QSER1: variants seen among roughly 807,000 people sequenced by gnomAD.
The protein encoded by QSER1 is glutamine and serine rich 1, also known as glutamine and serine-rich protein 1.
Under a neutral mutation model 158.5 loss-of-function variants are expected in QSER1, and 49 were observed. The observed-to-expected ratio is 0.31, with a 90% CI of 0.25 to 0.39. The LOEUF is 0.39. Ranked by LOEUF, QSER1 falls within the 10% of genes least tolerant of loss-of-function variation. The pLI is 1.00. For synonymous variants in QSER1, 650 were observed against 715.5 expected, an observed-to-expected ratio of 0.91 and a Z score of 1.46; for missense variants, 1,754 against 2,010.3, an observed-to-expected ratio of 0.87 and a Z score of 2.44.
intron 4 of QSER1, among the ~76,000 whole-genome samples, chr11:32,936,282 T>G (rs1053199320): frequency 1.3e-5 from 2 of 148,606 alleles, no homozygotes; most frequent in African/African-American, 4.9e-5. Context: ...TGAGAACACG[T>G]GGTGTTTGGT....
chr11:32,894,737 AAAT>A (rs1851533449), intron 1 of QSER1, among the ~76,000 whole-genome samples: 1 of 152,220 alleles, frequency 6.6e-6, no homozygotes, highest in Non-Finnish European at 1.5e-5. Flanking sequence ...GAGTTAACAA[AAAT>A]AATGTGATGT....
intron 1 of QSER1, among the ~76,000 whole-genome samples, chr11:32,894,010 A>G (rs1320386834): frequency 3.4e-5 from 5 of 146,726 alleles, no homozygotes; most frequent in East Asian, 2.2e-4. Context: ...TAACAACAGC[A>G]GGAAGTAAGG....
chr11:32,966,501 C>A, intron 9 of QSER1, 64 bp downstream of exon 9: 1 of 1,503,378 alleles, frequency 6.7e-7, no homozygotes, highest in South Asian at 1.2e-5. Flanking sequence ...GAAATCTTGT[C>A]TGTTAGTTAT....
chr11:32,903,597 ATTTGTTTG>A (rs112672094), intron 1 of QSER1, among the ~76,000 whole-genome samples: 2,565 of 151,300 alleles, frequency 0.017, 51 homozygotes, highest in African/African-American at 0.054. Context: ...TAAGTTTTTT[ATTTGTTTG>A]TTTGTTTGTT....
chr11:32,946,996 G>T (rs1447177398), intron 4 of QSER1, among the ~76,000 whole-genome samples: 1 of 152,220 alleles, frequency 6.6e-6, no homozygotes, highest in Non-Finnish European at 1.5e-5. Context: ...GATTTTCCAG[G>T]TGCCGTCCGT....
Position 32,932,722 on chromosome 11 carries a change from GGTT to G in QSER1, c.1465_1467del (p.Val489del). 6.2e-7 allele frequency: 1 copy of G among 1,614,094 alleles called. No individual in the cohort carries two copies. The highest frequency in any genetic ancestry group is 8.5e-7 in the Non-Finnish European group (1 of 1,180,012). On this transcript the variant is annotated inframe_deletion, in exon 4 of 13. Coordinates refer to ENST00000650167, the MANE Select transcript of QSER1 (RefSeq NM_001076786.3). ...ATGTGCCATCTATTGTTCATTCACA[GGTT>G]TATAGGTCCAGCAAGGTTGAGAAAT... is the stretch of plus-strand genomic sequence containing the variant.
intron 8 of QSER1, among the ~76,000 whole-genome samples, chr11:32,958,925 C>T (rs1319090138): frequency 2.0e-5 from 3 of 152,052 alleles, no homozygotes; most frequent in African/African-American, 7.2e-5. Flanking sequence ...TATCAAACTT[C>T]TTGATCTTAG....
rs1260428247 is a variant in QSER1, at chr11:32,917,843, A to AC, written c.210-9314_210-9313insC. Among the ~76,000 whole-genome samples the AC allele has an allele frequency of 2.6e-5, 4 of 151,334 alleles. No individual in the cohort carries two copies. In the East Asian group the frequency reaches 7.7e-4, roughly 29 times the overall value. ...TCTCAAAAAAAAAAAAAAAAAAAAA[A>AC]ACCAGCATTTCTCTGTATTGCTTTC... On this transcript the variant is annotated intron_variant, in intron 1 of 12. Coordinates refer to ENST00000650167, the MANE Select transcript of QSER1 (RefSeq NM_001076786.3).
At chr11:32,909,971 G>GT (rs895395497) in intron 1 of QSER1, among the ~76,000 whole-genome samples, 7 of 152,112 alleles carry the variant, frequency 4.6e-5, no homozygotes, top group African/African-American at 1.7e-4. Context: ...AAATCCTTTG[G>GT]TTTTCCATTG....
At chr11:32,917,096 T>C (rs1366751949) in intron 1 of QSER1, among the ~76,000 whole-genome samples, 1 of 152,166 alleles carries the variant, frequency 6.6e-6, no homozygotes, top group East Asian at 1.9e-4. Context: ...CGGGCATGAC[T>C]CTAAATGGAA....
Position 32,918,674 on chromosome 11 carries a change from G to T in QSER1, c.210-8483G>T, listed in dbSNP as rs1446371975. Among the ~76,000 whole-genome samples, 5 of 151,992 alleles carry T rather than the reference G, an allele frequency of 3.3e-5. No homozygotes were observed. The East Asian group carries it at 9.7e-4, about 29-fold the overall frequency. On this transcript the variant is annotated intron_variant, in intron 1 of 12. Coordinates refer to ENST00000650167, the MANE Select transcript of QSER1 (RefSeq NM_001076786.3). ...TTTTTAAGAGAATGACTCAGGCTGA[G>T]GATGAGGGGAAGGAGGGGCAAGAGC...
intron 4 of QSER1, among the ~76,000 whole-genome samples, chr11:32,937,396 T>G (rs919777115): frequency 7.2e-5 from 11 of 152,164 alleles, no homozygotes; most frequent in African/African-American, 9.7e-5. Flanking sequence ...GCAATCTTCC[T>G]TCCTCAGCCT....
rs1240228765 is a variant in QSER1, at chr11:32,893,679, G to A, written c.209+345G>A. 6.6e-6 allele frequency among the ~76,000 whole-genome samples: 1 copy of A among 152,220 alleles called. No individual in the cohort carries two copies. The highest frequency in any genetic ancestry group is 1.5e-5 in the Non-Finnish European group (1 of 68,036). On this transcript the variant is annotated intron_variant, in intron 1 of 12. Coordinates refer to ENST00000650167, the MANE Select transcript of QSER1 (RefSeq NM_001076786.3). The surrounding 1 kb of genome is among the most constrained non-coding windows in gnomAD (Gnocchi z 4.7). ...GACCCAGGATTGGCGCCGGGGGTCC[G>A]AAGGGGGCGCCGGAGAGTTTGGGGC...
intron 4 of QSER1, among the ~76,000 whole-genome samples, chr11:32,948,187 T>A (rs1447881464): frequency 6.6e-6 from 1 of 152,216 alleles, no homozygotes; most frequent in African/African-American, 2.4e-5. Flanking sequence ...CTAATTGGAA[T>A]GGACAGTGGA....
At chr11:32,921,737 G>A (rs1336383703) in intron 1 of QSER1, among the ~76,000 whole-genome samples, 1 of 152,048 alleles carries the variant, frequency 6.6e-6, no homozygotes, top group African/African-American at 2.4e-5. Context: ...CAGTTTTTTT[G>A]TTGTCATAGA....
rs1163008443 is a variant in QSER1 at position 32,977,980 on chromosome 11, TAAACTGGCAAAGA to T, written c.*1508_*1520del. On this transcript the variant is annotated 3_prime_UTR_variant, in exon 13 of 13. Transcript: ENST00000650167. The stretch of plus-strand genomic sequence containing the variant: ...CAACTTTTTATACTTAAAACCTCAG[TAAACTGGCAAAGA>T]ATTGAAGGTAATGTGATTTGATTTG... 2 of 152,636 alleles carry T rather than the reference TAAACTGGCAAAGA, an allele frequency of 1.3e-5. No homozygotes were observed. Among genetic ancestry groups the T allele is most frequent in the African/African-American group, 4.8e-5 (2 of 41,464 alleles). 9.5% of individuals were successfully genotyped at this position (152,636 alleles called of 1,614,324 possible).
Position 32,948,460 on chromosome 11 carries a change from T to C in QSER1, c.4178-5397T>C, listed in dbSNP as rs143690761. On this transcript the variant is annotated intron_variant, in intron 4 of 12. Coordinates refer to ENST00000650167, the MANE Select transcript of QSER1 (RefSeq NM_001076786.3). ...GGGAAACATAGTGAGAGCCTATCTCTACAAAAAACAAAAAAACAGTTAGGT... is the reference window on the plus strand; with the variant it reads ...GGGAAACATAGTGAGAGCCTATCTCCACAAAAAACAAAAAAACAGTTAGGT... Among the ~76,000 whole-genome samples, 310 of 152,242 alleles carry C rather than the reference T, an allele frequency of 2.0e-3. 2 individuals carry two copies. The highest frequency in any genetic ancestry group is 7.3e-3 in the African/African-American group (305 of 41,540).
intron 1 of QSER1, among the ~76,000 whole-genome samples, chr11:32,913,177 TC>T (rs1851789504): frequency 3.0e-5 from 4 of 134,736 alleles, no homozygotes; most frequent in Non-Finnish European, 6.3e-5. Context: ...TTTCTCCTCT[TC>T]CTTTTTTTTT....
At chr11:32,913,320 A>G (rs1851793562) in intron 1 of QSER1, among the ~76,000 whole-genome samples, 1 of 150,472 alleles carries the variant, frequency 6.6e-6, no homozygotes, top group African/African-American at 2.4e-5. Flanking sequence ...CCTCCCGAGT[A>G]GCTGGGACTA....
Sources: gnomAD v4.1 joint callset for allele counts (sites outside exome capture counted in the v4.1 genomes callset) on GRCh38, gnomAD v4.1.1 for gene constraint, Gnocchi (gnomAD v3.1) non-coding constraint, MANE v1.5 for transcripts, NCBI Gene and HGNC (gene_info 2026-07-23, HGNC 2026-07-21) for gene names.